Variants in GDA observed in about 807,000 individuals in gnomAD.
GDA encodes cytoplasmic PSD-95 interactor.
GDA carries 18 observed loss-of-function variants against 59.6 expected under a neutral mutation model. The ratio of observed to expected loss-of-function variants is 0.30; its 90% CI spans 0.21 to 0.45. The LOEUF (loss-of-function observed/expected upper bound fraction) is 0.45, where lower values mean the gene tolerates loss of function less well. Among genes scored for constraint, GDA ranks in the 20% least tolerant of loss-of-function variants. The pLI is 1.00. For missense variants in GDA, 427 were observed against 552.3 expected (o/e 0.77, Z 2.27); for synonymous variants, 201 against 201.1 (o/e 1.00, Z 0.00).
intron 1 of GDA, among the ~76,000 whole-genome samples, chr9:72,137,645 C>G (rs11143128): frequency 0.015 from 2,256 of 152,154 alleles, 62 homozygotes; most frequent in African/African-American, 0.052. Context: ...GAGGATCTTA[C>G]CCCACACTAA....
chr9:72,209,775 CA>C (rs1835139189), intron 3 of GDA, among the ~76,000 whole-genome samples: 2 of 152,098 alleles, frequency 1.3e-5, no homozygotes, highest in African/African-American at 4.8e-5. Flanking sequence ...ATTTGGGTCC[CA>C]AACGTCACTG....
chr9:72,166,281 A>G (rs1194258161), intron 1 of GDA, among the ~76,000 whole-genome samples: 1 of 152,192 alleles, frequency 6.6e-6, no homozygotes, highest in Non-Finnish European at 1.5e-5. Context: ...AGAAGACAAT[A>G]AGGGAACAAG....
intron 7 of GDA, among the ~76,000 whole-genome samples, chr9:72,225,237 T>G (rs898565040): frequency 6.6e-6 from 1 of 152,130 alleles, no homozygotes; most frequent in African/African-American, 2.4e-5. Flanking sequence ...GTGGAGATTG[T>G]GCCACTACAC....
At chr9:72,176,882 T>C (rs1830595912) in intron 1 of GDA, among the ~76,000 whole-genome samples, 1 of 152,142 alleles carries the variant, frequency 6.6e-6, no homozygotes, top group Admixed American at 6.6e-5. Flanking sequence ...TCTGGTCACC[T>C]CCTTGTGAAA....
intron 1 of GDA, among the ~76,000 whole-genome samples, chr9:72,187,044 T>C (rs76058950): frequency 0.021 from 3,233 of 152,332 alleles, 122 homozygotes; most frequent in African/African-American, 0.074. Flanking sequence ...CATTTTCATA[T>C]ACACTTAATG....
intron 1 of GDA, among the ~76,000 whole-genome samples, chr9:72,168,233 A>C (rs774315816): frequency 6.6e-6 from 1 of 151,926 alleles, no homozygotes; most frequent in East Asian, 1.9e-4. Flanking sequence ...CCCTCTGTAC[A>C]AAACAAACAA....
intron 7 of GDA, 80 bp downstream of exon 7, chr9:72,223,307 T>A (rs1184911633): frequency 1.9e-5 from 15 of 775,014 alleles, no homozygotes; most frequent in African/African-American, 3.5e-5. Flanking sequence ...TTTCCAATAA[T>A]CTGTAGTTGT....
intron 1 of GDA, among the ~76,000 whole-genome samples, chr9:72,154,674 T>G (rs1212722839): frequency 6.6e-6 from 1 of 152,202 alleles, no homozygotes; most frequent in Non-Finnish European, 1.5e-5. Context: ...TGTCATTATT[T>G]CCACTAACAG....
At chr9:72,235,378 A>G (rs1838856035) in intron 10 of GDA, among the ~76,000 whole-genome samples, 1 of 152,206 alleles carries the variant, frequency 6.6e-6, no homozygotes, top group South Asian at 2.1e-4. Context: ...AATTTTAAAA[A>G]ATAATATATG....
downstream of GDA, among the ~76,000 whole-genome samples, chr9:72,252,923 G>A (rs1840789340): frequency 6.6e-6 from 1 of 152,116 alleles, no homozygotes; most frequent in Non-Finnish European, 1.5e-5. Context: ...GGAACACAGT[G>A]AGTGCTCACT....
At chr9:72,180,536 T>G (rs546553638) in intron 1 of GDA, among the ~76,000 whole-genome samples, 16 of 152,340 alleles carry the variant, frequency 1.1e-4, no homozygotes, top group African/African-American at 3.4e-4. Context: ...GTGCTTTTCC[T>G]AAATTAATTC....
chr9:72,129,284 AT>A (rs112778416), intron 1 of GDA, among the ~76,000 whole-genome samples: 9,678 of 152,160 alleles, frequency 0.064, 418 homozygotes, highest in African/African-American at 0.12. Context: ...ATTAAAAAAA[AT>A]ATTCAAACTT....
At chr9:72,150,630 T>C (rs1827095514) in intron 1 of GDA, among the ~76,000 whole-genome samples, 1 of 152,200 alleles carries the variant, frequency 6.6e-6, no homozygotes. Context: ...TTCCAACTAC[T>C]GGTTTGGTTA....
intron 1 of GDA, among the ~76,000 whole-genome samples, chr9:72,117,785 G>A (rs1825507389): frequency 6.6e-6 from 1 of 152,176 alleles, no homozygotes; most frequent in Non-Finnish European, 1.5e-5. Context: ...TGAGTTGGGT[G>A]ATAGTTACTT....
chr9:72,228,269 G>C, intron 9 of GDA: 1 of 459,816 alleles, frequency 2.2e-6, no homozygotes, highest in Non-Finnish European at 3.9e-6. Context: ...TGAAATCTCT[G>C]AGTTTGTACA....
At position 72,249,628 on chromosome 9, in the gene GDA, C is replaced by A; in HGVS notation, c.*1286C>A. On this transcript the variant is annotated 3_prime_UTR_variant, in exon 14 of 14. Transcript: ENST00000358399. The stretch of plus-strand genomic sequence containing the variant: ...ACCTAGAATTAAAACCAAATTATGA[C>A]CTTATGATAAATCTTTAAGTATTGG... 3.1e-6 allele frequency: 2 copies of A among 649,202 alleles called. No individual in the cohort carries two copies. The highest frequency in any genetic ancestry group is 3.8e-6 in the Non-Finnish European group (2 of 523,592). The allele number at this position is 649,202 out of a possible 1,614,324, so 40.2% of individuals were successfully genotyped here.
intron 1 of GDA, among the ~76,000 whole-genome samples, chr9:72,140,788 G>T (rs1341589943): frequency 6.6e-6 from 1 of 152,134 alleles, no homozygotes. Context: ...AAGTCATGGT[G>T]ACCACACCTC....
Position 72,248,752 on chromosome 9 carries a change from G to A in GDA, c.*410G>A. On this transcript the variant is annotated 3_prime_UTR_variant, in exon 14 of 14. Coordinates refer to ENST00000358399, the MANE Select transcript of GDA (RefSeq NM_004293.5). ...TAGAAGACTGAAAATGGACCCATGA[G>A]AGTATATTTTTATGAGGGAGCAAAA... is the stretch of plus-strand genomic sequence containing the variant. 2 of 996,920 alleles carry A rather than the reference G, an allele frequency of 2.0e-6. No individual in the cohort carries two copies. Among genetic ancestry groups the A allele is most frequent in the Non-Finnish European group, 2.4e-6 (2 of 835,584 alleles). 61.8% of individuals were successfully genotyped at this position (996,920 alleles called of 1,614,324 possible).
intron 6 of GDA, among the ~76,000 whole-genome samples, chr9:72,222,533 G>A (rs1837022702): frequency 6.6e-6 from 1 of 152,060 alleles, no homozygotes; most frequent in African/African-American, 2.4e-5. Context: ...CTCTGTTGGT[G>A]GTTTCACTTG....
Sources: allele counts gnomAD v4.1 joint callset (sites outside exome capture counted in the v4.1 genomes callset), GRCh38; gene constraint gnomAD v4.1.1; transcripts MANE v1.5; gene names NCBI Gene and HGNC (gene_info 2026-07-23, HGNC 2026-07-21).